MROH2A: variants seen among roughly 807,000 people sequenced by gnomAD.
MROH2A encodes maestro heat like repeat family member 2A, also known as maestro heat-like repeat-containing protein family member 2A.
MROH2A carries 174 observed loss-of-function variants against 200.4 expected under a neutral mutation model. That is an observed-to-expected ratio of 0.87 (90% CI 0.77 to 0.98). The LOEUF is 0.98. MROH2A is among the 50% of genes least tolerant of loss of function. MROH2A has a pLI of 0.00. For synonymous variants in MROH2A, 829 were observed against 840.4 expected, an observed-to-expected ratio of 0.99 and a Z score of 0.23; for missense variants, 2,045 against 2,139.6, an observed-to-expected ratio of 0.96 and a Z score of 0.87.
At chr2:233,800,727 G>A (rs1702421379) in intron 14 of MROH2A, among the ~76,000 whole-genome samples, 1 of 152,118 alleles carries the variant, frequency 6.6e-6, no homozygotes, top group Non-Finnish European at 1.5e-5. Context: ...CTCTGTGAAA[G>A]ACAGGACAGA....
At position 233,833,273 on chromosome 2, in the gene MROH2A, A is replaced by C; in HGVS notation, c.*14A>C. The C allele has an allele frequency of 6.6e-7, 1 of 1,524,404 alleles. No individual in the cohort carries two copies. Among genetic ancestry groups the C allele is most frequent in the Non-Finnish European group, 8.8e-7 (1 of 1,138,668 alleles). The allele number at this position is 1,524,404 out of a possible 1,614,324, so 94.4% of individuals were successfully genotyped here. A position where few individuals can be genotyped will look rare whatever the true frequency, so the allele number is the denominator to read the frequency against. Reference sequence around the variant, plus strand: ...GGAATGTCCTAGGTGGTCCAAACATAAGACGTAAACTGTCTTCTTAGTGCC... The same window carrying C: ...GGAATGTCCTAGGTGGTCCAAACATCAGACGTAAACTGTCTTCTTAGTGCC... On this transcript the variant is annotated 3_prime_UTR_variant, in exon 42 of 42. Transcript: ENST00000389758.
At chr2:233,809,424 C>A in intron 22 of MROH2A, 146 bp downstream of exon 22, 20 of 812,792 alleles carry the variant, frequency 2.5e-5, no homozygotes, top group Non-Finnish European at 3.1e-5. Context: ...GCCCATTGCC[C>A]AAATGTGCTG....
intron 29 of MROH2A, 41 bp from the exon 30 acceptor site, chr2:233,819,276 G>A (rs759154480): frequency 2.2e-5 from 34 of 1,534,336 alleles, no homozygotes; most frequent in Non-Finnish European, 2.7e-5. Context: ...CAGTCATGGA[G>A]TGGCAGGGGA....
At position 233,779,434 on chromosome 2, in the gene MROH2A, C is replaced by G; in HGVS notation, c.76C>G (p.Leu26Val). Residue 26 changes from leucine to valine, a missense_variant, in exon 2 of 42, where the codon CTT (leucine) becomes GTT (valine). Leu to Val is a conservative substitution (Grantham distance 32). Around this residue, in one of 3 missense-constraint regions of MROH2A, gnomAD observed 831 missense variants for 800.0 expected, o/e 1.04. Transcript: ENST00000389758. ...AGAGGAAAGAGACGACCTGGGGCCTCTTGAATTACATGACAGTGGTAAGAA... is the reference window on the plus strand; with the variant it reads ...AGAGGAAAGAGACGACCTGGGGCCTGTTGAATTACATGACAGTGGTAAGAA... ...VSEERDDLGPLELHDSGTFQQ... is the reference protein window; with the variant it reads ...VSEERDDLGPVELHDSGTFQQ... 1 of 1,549,490 alleles carries G rather than the reference C, an allele frequency of 6.5e-7. No individual in the cohort carries two copies. Among genetic ancestry groups the G allele is most frequent in the East Asian group, 2.4e-5 (1 of 40,920 alleles).
intron 41 of MROH2A, 57 bp from the exon 42 acceptor site, chr2:233,833,081 A>C: frequency 1.4e-6 from 2 of 1,475,390 alleles, no homozygotes; most frequent in Non-Finnish European, 1.8e-6. Context: ...CAGGGCATGC[A>C]GCATGTGGTC....
rs866452209 is a variant in MROH2A, at chr2:233,828,593, C to T, written c.4114-37C>T. The T allele has an allele frequency of 1.8e-5, 28 of 1,541,472 alleles. No homozygotes were observed. The highest frequency in any genetic ancestry group is 1.8e-4 in the Middle Eastern group (1 of 5,710). ...CCACCTTGCTGCTGAGAAATGAGCC[C>T]GCCCTGGGGATAACTGCCCAATGTC... On this transcript the variant is annotated intron_variant, in intron 35 of 41. Coordinates refer to ENST00000389758, the MANE Select transcript of MROH2A (RefSeq NM_001394639.1). The surrounding 1 kb of genome is among the most constrained non-coding windows in gnomAD (Gnocchi z 4.6).
chr2:233,776,102 C>T (rs890587267), upstream of MROH2A, among the ~76,000 whole-genome samples: 1 of 152,152 alleles, frequency 6.6e-6, no homozygotes, highest in African/African-American at 2.4e-5. Context: ...GGTATTTCTT[C>T]ATAGCAGTAT....
intron 17 of MROH2A, 98 bp from the exon 18 acceptor site, chr2:233,804,397 C>T: frequency 7.1e-7 from 1 of 1,413,524 alleles, no homozygotes; most frequent in Non-Finnish European, 9.7e-7. Flanking sequence ...TGGAGGGCCT[C>T]AAATGCCACG....
intron 39 of MROH2A, 47 bp from the exon 40 acceptor site, chr2:233,832,130 T>C: frequency 6.9e-7 from 1 of 1,455,646 alleles, no homozygotes; most frequent in Non-Finnish European, 9.4e-7. Context: ...CAGCCCATTG[T>C]CAGGGTCTCA....
chr2:233,776,555 G>A (rs867928378), upstream of MROH2A, among the ~76,000 whole-genome samples: 13 of 151,550 alleles, frequency 8.6e-5, no homozygotes, highest in Admixed American at 3.3e-4. Context: ...TAGAGACAGC[G>A]TTTCCCCATG....
chr2:233,796,831 C>G (rs1308753968), intron 11 of MROH2A, among the ~76,000 whole-genome samples: 1 of 152,214 alleles, frequency 6.6e-6, no homozygotes, highest in African/African-American at 2.4e-5. Context: ...ATGGGCAGCT[C>G]CCGCTCAGCC....
chr2:233,808,613 A>G (rs1425564780), intron 21 of MROH2A, among the ~76,000 whole-genome samples: 1 of 152,204 alleles, frequency 6.6e-6, no homozygotes, highest in African/African-American at 2.4e-5. Flanking sequence ...TCAGTCTGGC[A>G]GGGCACTGGG....
Position 233,794,432 on chromosome 2 carries a change from G to T in MROH2A, c.892G>T (p.Glu298Ter). 1 of 1,550,446 alleles carries T rather than the reference G, an allele frequency of 6.4e-7. No individual in the cohort carries two copies. The highest frequency in any genetic ancestry group is 1.2e-5 in the South Asian group (1 of 84,060). ...CCTTCTGCCCAACGATGACCTGCGG[G>T]AGCAGGTCTACGACTACATCCCCCT... ...GLLLPNDDLR[E>*]QVYDYIPLLL... Residue 298 changes from glutamate (E) to a stop codon, truncating the protein, a stop_gained, in exon 8 of 42, where the codon GAG becomes TAG. Transcript: ENST00000389758. LOFTEE classifies it high-confidence loss of function.
At position 233,787,789 on chromosome 2, in the gene MROH2A, TATATA is replaced by T. The variant is rs1386603984; in HGVS notation, c.277-1702_277-1698del. On this transcript the variant is annotated intron_variant, in intron 3 of 41. Coordinates refer to ENST00000389758, the MANE Select transcript of MROH2A (RefSeq NM_001394639.1). Reference sequence around the variant, plus strand: ...ATATACATATATATTATATATATCATATATAATATATATTATATATATTATATATA... The same window carrying T: ...ATATACATATATATTATATATATCATATATATATTATATATATTATATATA... 6.9e-4 allele frequency among the ~76,000 whole-genome samples: 9 copies of T among 13,098 alleles called. 3 individuals are homozygous for T. Among genetic ancestry groups the T allele is most frequent in the African/African-American group, 4.7e-3 (9 of 1,922 alleles). 8.6% of individuals were successfully genotyped at this position (13,098 alleles called of 152,430 possible).
rs1175268143 is a variant in MROH2A, at chr2:233,807,645, T to C, written c.2173-88T>C. ...TGCGTTTTGTGTGTGTGTGTGTACA[T>C]GTGTGTGTGCCTTGCACGTGTGTGT... is the stretch of plus-strand genomic sequence containing the variant. On this transcript the variant is annotated intron_variant, in intron 20 of 41. Transcript: ENST00000389758. This position sits in a 1 kb window ranked among gnomAD's most constrained non-coding sequence, Gnocchi z 4.3. 1.3e-6 allele frequency: 2 copies of C among 1,545,244 alleles called. No homozygotes were observed. The highest frequency in any genetic ancestry group is 1.4e-5 in the African/African-American group (1 of 72,710).
At position 233,793,733 on chromosome 2, in the gene MROH2A, AC is replaced by A. The variant is rs1169622789; in HGVS notation, c.735del (p.Val246Ter). The A allele has an allele frequency of 6.7e-7, 1 of 1,495,416 alleles. No homozygotes were observed. Among genetic ancestry groups the A allele is most frequent in the Admixed American group, 2.3e-5 (1 of 44,406 alleles). The allele number at this position is 1,495,416 out of a possible 1,614,324, so 92.6% of individuals were successfully genotyped here. The part of the protein sequence containing the change: ...FYLKHLEESV[Y>X]PVMTEEEFAL... ...CTGAAGCACCTGGAGGAGAGCGTGT[AC>A]CCCGTGATGACTGAGGAGGAGTTTG... On this transcript the variant is annotated frameshift_variant, in exon 7 of 42. Coordinates refer to ENST00000389758, the MANE Select transcript of MROH2A (RefSeq NM_001394639.1). LOFTEE classifies it high-confidence loss of function.
intron 3 of MROH2A, among the ~76,000 whole-genome samples, chr2:233,785,642 G>A (rs1701168961): frequency 6.6e-6 from 1 of 152,082 alleles, no homozygotes; most frequent in Admixed American, 6.6e-5. Flanking sequence ...AGAAACTGGT[G>A]AGGTAGGGTA....
chr2:233,812,066 C>T, intron 24 of MROH2A, 107 bp downstream of exon 24: 1 of 784,750 alleles, frequency 1.3e-6, no homozygotes, highest in South Asian at 1.6e-5. Flanking sequence ...TCTCCTCCCT[C>T]TGTAGCAGGG....
At position 233,797,148 on chromosome 2, in the gene MROH2A, T is replaced by C. The variant is rs1046982755; in HGVS notation, c.1252+835T>C. On this transcript the variant is annotated intron_variant, in intron 11 of 41. Coordinates refer to ENST00000389758, the MANE Select transcript of MROH2A (RefSeq NM_001394639.1). The stretch of plus-strand genomic sequence containing the variant: ...GCATGGCTGGTTTTGTAAACTTTAT[T>C]TACAGAAACAGGCTGTGGGTTATAC... Among the ~76,000 whole-genome samples the C allele has an allele frequency of 2.1e-4, 32 of 152,220 alleles. 1 individual carries two copies. The highest frequency in any genetic ancestry group is 7.5e-4 in the African/African-American group (31 of 41,454).
Sources: gnomAD v4.1 joint callset for allele counts (sites outside exome capture counted in the v4.1 genomes callset) on GRCh38, gnomAD v4.1.1 for gene constraint, gnomAD v4.1.1 regional missense constraint, Gnocchi (gnomAD v3.1) non-coding constraint, MANE v1.5 for transcripts, NCBI Gene and HGNC (gene_info 2026-07-23, HGNC 2026-07-21) for gene names.